ANKS1B: variants seen among roughly 807,000 people sequenced by gnomAD.
ANKS1B encodes ankyrin repeat and sterile alpha motif domain containing 1B.
ANKS1B carries 36 observed loss-of-function variants against 148.3 expected under a neutral mutation model. That is an observed-to-expected ratio of 0.24 (90% CI 0.19 to 0.32). ANKS1B has a LOEUF of 0.32. Ranked by LOEUF, ANKS1B falls within the 10% of genes least tolerant of loss-of-function variation. The pLI, the probability that ANKS1B is intolerant of heterozygous loss-of-function variation, is 1.00. For synonymous variants in ANKS1B, 542 were observed against 560.8 expected (o/e 0.97, Z 0.47); for missense variants, 1,157 against 1,542.6 (o/e 0.75, Z 4.19).
At chr12:98,815,311 C>T (rs1392115452) in intron 19 of ANKS1B, among the ~76,000 whole-genome samples, 1 of 152,198 alleles carries the variant, frequency 6.6e-6, no homozygotes, top group Middle Eastern at 3.2e-3. Flanking sequence ...TCATCTGAGC[C>T]CACTCTACTG....
intron 9 of ANKS1B, among the ~76,000 whole-genome samples, chr12:99,570,341 T>TAA (rs72420547): frequency 5.9e-4 from 87 of 147,428 alleles, no homozygotes; most frequent in African/African-American, 9.2e-4. Context: ...ATACTCCAGA[T>TAA]AAAAAAAAAA....
At chr12:99,538,849 C>T (rs974865679) in intron 9 of ANKS1B, among the ~76,000 whole-genome samples, 1 of 152,084 alleles carries the variant, frequency 6.6e-6, no homozygotes, top group Non-Finnish European at 1.5e-5. Context: ...AGTTTTTCTC[C>T]ATTCAATGTG....
At chr12:99,052,341 C>A (rs1568578840) in intron 17 of ANKS1B, among the ~76,000 whole-genome samples, 1 of 152,162 alleles carries the variant, frequency 6.6e-6, no homozygotes, top group South Asian at 2.1e-4. Context: ...TAGACACTAG[C>A]TTCAGAAAAT....
intron 16 of ANKS1B, among the ~76,000 whole-genome samples, chr12:99,077,046 A>G (rs187629426): frequency 2.2e-4 from 34 of 152,286 alleles, no homozygotes; most frequent in African/African-American, 7.5e-4. Context: ...AAAAACAAAA[A>G]ACAAAAATAC....
At chr12:99,129,466 G>GAGTTATTT (rs1227635512) in intron 15 of ANKS1B, among the ~76,000 whole-genome samples, 54 of 152,226 alleles carry the variant, frequency 3.5e-4, no homozygotes, top group Non-Finnish European at 1.5e-5. Context: ...TCAGCAGCAA[G>GAGTTATTT]AGTTATTTGA....
At chr12:99,850,542 C>T (rs2087632089) in intron 1 of ANKS1B, among the ~76,000 whole-genome samples, 1 of 151,938 alleles carries the variant, frequency 6.6e-6, no homozygotes, top group Admixed American at 6.6e-5. Flanking sequence ...GCACAAAACA[C>T]ATCAATAATT....
intron 12 of ANKS1B, among the ~76,000 whole-genome samples, chr12:99,269,353 T>C (rs1444390913): frequency 6.6e-6 from 1 of 152,242 alleles, no homozygotes; most frequent in South Asian, 2.1e-4. Flanking sequence ...GAGCAAATTA[T>C]GGCATTTATA....
intron 1 of ANKS1B, among the ~76,000 whole-genome samples, chr12:99,950,737 C>T (rs375416180): frequency 3.3e-5 from 5 of 152,104 alleles, no homozygotes; most frequent in Admixed American, 2.6e-4. Context: ...ACCACCCCCC[C>T]CAATAACCCT....
At chr12:99,905,030 T>G (rs2093729628) in intron 1 of ANKS1B, among the ~76,000 whole-genome samples, 1 of 152,222 alleles carries the variant, frequency 6.6e-6, no homozygotes, top group Admixed American at 6.5e-5. Context: ...ATGATGCTAT[T>G]TCCAATATGA....
chr12:98,815,912 C>G (rs2099135968), intron 19 of ANKS1B, among the ~76,000 whole-genome samples: 1 of 152,142 alleles, frequency 6.6e-6, no homozygotes. Context: ...AATGACCCAT[C>G]TAAAATGAAA....
intron 14 of ANKS1B, among the ~76,000 whole-genome samples, chr12:99,230,469 T>G (rs1348486254): frequency 1.3e-5 from 2 of 152,146 alleles, no homozygotes; most frequent in Non-Finnish European, 2.9e-5. Context: ...AATTGAAAAC[T>G]GTACCATTTT....
chr12:98,924,543 G>GT (rs1350359182), intron 17 of ANKS1B, among the ~76,000 whole-genome samples: 1 of 151,740 alleles, frequency 6.6e-6, no homozygotes, highest in African/African-American at 2.4e-5. Flanking sequence ...TCTCTTTTTT[G>GT]TTTTTTTGCC....
At chr12:99,249,951 G>A (rs1050082496) in intron 12 of ANKS1B, among the ~76,000 whole-genome samples, 1 of 152,146 alleles carries the variant, frequency 6.6e-6, no homozygotes, top group Admixed American at 6.5e-5. Flanking sequence ...TATTTTTCAG[G>A]TATGTTGAAA....
intron 14 of ANKS1B, among the ~76,000 whole-genome samples, chr12:99,215,706 A>G (rs955586078): frequency 3.3e-5 from 5 of 152,202 alleles, no homozygotes; most frequent in Admixed American, 2.0e-4. Flanking sequence ...CAATTTCTCC[A>G]ATTTGGAACA....
chr12:99,333,868 T>G (rs1043599564), intron 12 of ANKS1B, among the ~76,000 whole-genome samples: 1 of 150,104 alleles, frequency 6.7e-6, no homozygotes, highest in East Asian at 1.9e-4. Context: ...TTTTTTTTTT[T>G]TTTTTTTAAC....
chr12:99,606,210 T>C (rs2097850317), intron 9 of ANKS1B, among the ~76,000 whole-genome samples: 2 of 152,052 alleles, frequency 1.3e-5, no homozygotes, highest in African/African-American at 4.8e-5. Context: ...TTGAGTTGTC[T>C]GGTTTCCTTA....
chr12:98,886,133 CAG>C (rs1267636734), intron 17 of ANKS1B, among the ~76,000 whole-genome samples: 1 of 151,990 alleles, frequency 6.6e-6, no homozygotes. Flanking sequence ...TTCAAATAAA[CAG>C]AAAGAAATCC....
In ANKS1B at chr12:99,451,786, C is replaced by CGTGTGT. The variant is rs147892225; in HGVS notation, c.1439-7983_1439-7978dup. On this transcript the variant is annotated intron_variant, in intron 10 of 26. Transcript: ENST00000683438. ...AAGACAAATGAGGCATGTACAGATA[C>CGTGTGT]GTGTGTGTGTGTGTGTATGTGTATG... is the stretch of plus-strand genomic sequence containing the variant. Among the ~76,000 whole-genome samples the CGTGTGT allele has an allele frequency of 5.0e-3, 746 of 150,522 alleles. 5 individuals carry two copies. The highest frequency in any genetic ancestry group is 0.015 in the African/African-American group (607 of 41,056).
At chr12:99,875,647 A>C (rs1489243358) in intron 1 of ANKS1B, among the ~76,000 whole-genome samples, 1 of 152,238 alleles carries the variant, frequency 6.6e-6, no homozygotes, top group Non-Finnish European at 1.5e-5. Flanking sequence ...CACAGACTAT[A>C]TGCAAATTTC....
Sources: allele counts gnomAD v4.1 joint callset (sites outside exome capture counted in the v4.1 genomes callset), GRCh38; gene constraint gnomAD v4.1.1; transcripts MANE v1.5; gene names NCBI Gene and HGNC (gene_info 2026-07-23, HGNC 2026-07-21).